The following CLDN3 variants were observed in gnomAD, a reference collection of about 807,000 sequenced individuals.
The protein encoded by CLDN3 is claudin-3.
In CLDN3, 6 loss-of-function variants were observed where a neutral mutation model predicts 16.3. That is an observed-to-expected ratio of 0.37 (90% CI 0.20 to 0.73). The LOEUF (loss-of-function observed/expected upper bound fraction) is 0.73. Among genes scored for constraint, CLDN3 ranks in the 30% least tolerant of loss-of-function variants. The probability of loss-of-function intolerance (pLI) is 0.52; values close to 1 mark genes in which losing one functional copy is unlikely to be tolerated. For synonymous variants in CLDN3, 145 were observed against 150.1 expected, an observed-to-expected ratio of 0.97 and a Z score of 0.25; for missense variants, 248 against 305.2, an observed-to-expected ratio of 0.81 and a Z score of 1.40.
In CLDN3 at chr7:73,769,729, C is replaced by T; in HGVS notation, c.321G>A (p.Val107=). 3 of 1,611,724 alleles carry T rather than the reference C, an allele frequency of 1.9e-6. No individual in the cohort carries two copies. The highest frequency in any genetic ancestry group is 2.5e-6 in the Non-Finnish European group (3 of 1,179,206). ...ALVGAQCTNC[V]QDDTAKAKIT... is the part of the protein sequence containing the mutation. Reference sequence around the variant, plus strand: ...TCTTGGCCTTGGCCGTGTCGTCCTGCACGCAGTTGGTGCACTGGGCGCCCA... The same window carrying T: ...TCTTGGCCTTGGCCGTGTCGTCCTGTACGCAGTTGGTGCACTGGGCGCCCA... Residue 107 remains valine (V), a synonymous_variant, in exon 1 of 1, where the codon GTG becomes GTA. Coordinates refer to ENST00000395145, the MANE Select transcript of CLDN3 (RefSeq NM_001306.4).
In CLDN3 at chr7:73,769,557, CGTACAG is replaced by C. The variant is rs782089885; in HGVS notation, c.487_492del (p.Leu163_Tyr164del). 6.2e-7 allele frequency: 1 copy of C among 1,601,450 alleles called. No individual in the cohort carries two copies. Among genetic ancestry groups the C allele is most frequent in the Non-Finnish European group, 8.5e-7 (1 of 1,174,078 alleles). On this transcript the variant is annotated inframe_deletion, in exon 1 of 1. Transcript: ENST00000395145. ...TGCAGCGCCGCGGCCGCCCAGCCCA[CGTACAG>C]GCCCGCGCCCATCTCGCGCTTCTGC...
chr7:73,770,118 G>A lies in CLDN3; in HGVS notation c.-69C>T, dbSNP rs1787026260. 18 of 1,393,372 alleles carry A rather than the reference G, an allele frequency of 1.3e-5. No individual in the cohort carries two copies. In the South Asian group the frequency reaches 1.5e-4, roughly 11 times the overall value. The allele number at this position is 1,393,372 out of a possible 1,614,324, so 86.3% of individuals were successfully genotyped here. On this transcript the variant is annotated 5_prime_UTR_variant, in exon 1 of 1. Transcript: ENST00000395145. This position sits in a 1 kb window ranked among gnomAD's most constrained non-coding sequence, Gnocchi z 5.7. ...GGGGAGACGAGGGGCCGGGGCCGCTGGGCCTGGCGGGAGCTGCGGCGCCCC... is the reference window on the plus strand; with the variant it reads ...GGGGAGACGAGGGGCCGGGGCCGCTAGGCCTGGCGGGAGCTGCGGCGCCCC...
chr7:73,769,104 T>G lies in CLDN3; in HGVS notation c.*283A>C, dbSNP rs1584302013. ...AGCGGCCCGATGGGGCTCGACGGGG[T>G]GGTCAAGTATTGGCGGTCACCCAGG... On this transcript the variant is annotated 3_prime_UTR_variant, in exon 1 of 1. Transcript: ENST00000395145. 3 of 654,930 alleles carry G rather than the reference T, an allele frequency of 4.6e-6. No homozygotes were observed. The highest frequency in any genetic ancestry group is 3.6e-5 in the South Asian group (1 of 27,662). The allele number at this position is 654,930 out of a possible 1,614,324, so 40.6% of individuals were successfully genotyped here.
In CLDN3 at chr7:73,769,345, TTGGTGGTGGTGG is replaced by T. The variant is rs782032979; in HGVS notation, c.*30_*41del. 5 of 1,546,292 alleles carry T rather than the reference TTGGTGGTGGTGG, an allele frequency of 3.2e-6. No individual in the cohort carries two copies. The highest frequency in any genetic ancestry group is 1.2e-5 in the South Asian group (1 of 83,392). ...CCAGCTCGCGGTGGTGGTGGTGGTG[TTGGTGGTGGTGG>T]TGGTGGTGGGGTCTCCCTGCGTCTG... On this transcript the variant is annotated 3_prime_UTR_variant, in exon 1 of 1. Coordinates refer to ENST00000395145, the MANE Select transcript of CLDN3 (RefSeq NM_001306.4).
At position 73,770,159 on chromosome 7, in the gene CLDN3, G is replaced by A; in HGVS notation, c.-110C>T. 2.9e-6 allele frequency: 4 copies of A among 1,360,196 alleles called. No homozygotes were observed. Among genetic ancestry groups the A allele is most frequent in the Non-Finnish European group, 3.8e-6 (4 of 1,059,966 alleles). The allele number at this position is 1,360,196 out of a possible 1,614,324, so 84.3% of individuals were successfully genotyped here. On this transcript the variant is annotated 5_prime_UTR_variant, in exon 1 of 1. Transcript: ENST00000395145. This position sits in a 1 kb window ranked among gnomAD's most constrained non-coding sequence, Gnocchi z 5.7. The stretch of plus-strand genomic sequence containing the variant: ...GCGGCGCCCCGACGGACGGACGGAC[G>A]GACGGACTGACTCACCGACGGCGCG...
Position 73,769,197 on chromosome 7 carries a change from G to T in CLDN3, c.*190C>A. The T allele has an allele frequency of 7.1e-7, 1 of 1,400,914 alleles. No homozygotes were observed. The highest frequency in any genetic ancestry group is 9.3e-7 in the Non-Finnish European group (1 of 1,074,550). The allele number at this position is 1,400,914 out of a possible 1,614,324, so 86.8% of individuals were successfully genotyped here. ...TGGTCCCTGGGCCCCGAAGTCGACT[G>T]CCCGGCCCGCAAAGCCGTGGCTGCT... On this transcript the variant is annotated 3_prime_UTR_variant, in exon 1 of 1. Transcript: ENST00000395145.
Position 73,769,540 on chromosome 7 carries a change from C to T in CLDN3, c.510G>A (p.Ala170=). Residue 170 remains alanine, a synonymous_variant, in exon 1 of 1, where the codon GCG becomes GCA. Coordinates refer to ENST00000395145, the MANE Select transcript of CLDN3 (RefSeq NM_001306.4). ...GAGLYVGWAA[A]ALQLLGGALL... Reference sequence around the variant, plus strand: ...GCGCGCCCCCCAGCAGCTGCAGCGCCGCGGCCGCCCAGCCCACGTACAGGC... The same window carrying T: ...GCGCGCCCCCCAGCAGCTGCAGCGCTGCGGCCGCCCAGCCCACGTACAGGC... 6.2e-7 allele frequency: 1 copy of T among 1,602,398 alleles called. No homozygotes were observed. The highest frequency in any genetic ancestry group is 1.3e-5 in the African/African-American group (1 of 74,866).
rs1201614819 is a variant in CLDN3, at chr7:73,769,945, G to A, written c.105C>T (p.Ile35=). ...TCTGCGACGTGATGATGTTGCTGCCGATGAAGGCCGACACGCGCCACATGG... is the reference window on the plus strand; with the variant it reads ...TCTGCGACGTGATGATGTTGCTGCCAATGAAGGCCGACACGCGCCACATGG... ...ALPMWRVSAF[I]GSNIITSQNI... The change falls in exon 1 of 1, where the codon ATC becomes ATT. Residue 35 remains isoleucine (I), a synonymous_variant. Transcript: ENST00000395145. 2.5e-6 allele frequency: 4 copies of A among 1,613,444 alleles called. No individual in the cohort carries two copies. Among genetic ancestry groups the A allele is most frequent in the Non-Finnish European group, 3.4e-6 (4 of 1,179,944 alleles).
chr7:73,769,569 C>T lies in CLDN3; in HGVS notation c.481G>A (p.Ala161Thr). The T allele has an allele frequency of 6.2e-7, 1 of 1,603,348 alleles. No homozygotes were observed. Among genetic ancestry groups the T allele is most frequent in the East Asian group, 2.2e-5 (1 of 44,662 alleles). ...VPEAQKREMGAGLYVGWAAAA... is the reference protein window; with the variant it reads ...VPEAQKREMGTGLYVGWAAAA... ...GCCGCCCAGCCCACGTACAGGCCCG[C>T]GCCCATCTCGCGCTTCTGCGCCTCG... Residue 161 changes from alanine to threonine, a missense_variant, in exon 1 of 1, where the codon GCG (alanine) becomes ACG (threonine). By Grantham distance (58) the Ala-to-Thr change is moderately conservative (BLOSUM62 0). Coordinates refer to ENST00000395145, the MANE Select transcript of CLDN3 (RefSeq NM_001306.4).
chr7:73,770,085 C>G lies in CLDN3; in HGVS notation c.-36G>C. 6.9e-7 allele frequency: 1 copy of G among 1,452,036 alleles called. No homozygotes were observed. Among genetic ancestry groups the G allele is most frequent in the Non-Finnish European group, 9.1e-7 (1 of 1,101,780 alleles). 89.9% of individuals were successfully genotyped at this position (1,452,036 alleles called of 1,614,324 possible). ...GCAAGGCCCGCTCCACCGGGTGGCT[C>G]CGGGTGCGGGGAGACGAGGGGCCGG... On this transcript the variant is annotated 5_prime_UTR_variant, in exon 1 of 1. Transcript: ENST00000395145. The surrounding 1 kb of genome is among the most constrained non-coding windows in gnomAD (Gnocchi z 5.7).
At position 73,769,072 on chromosome 7, in the gene CLDN3, T is replaced by G; in HGVS notation, c.*315A>C. 2 of 499,734 alleles carry G rather than the reference T, an allele frequency of 4.0e-6. No individual in the cohort carries two copies. The highest frequency in any genetic ancestry group is 3.8e-5 in the East Asian group (1 of 26,028). 31.0% of individuals were successfully genotyped at this position (499,734 alleles called of 1,614,324 possible). ...TGCCGGTCCCTGCCCAGCGCGAGCA[T>G]GGGGGCAGCGGCCCGATGGGGCTCG... On this transcript the variant is annotated 3_prime_UTR_variant, in exon 1 of 1. Transcript: ENST00000395145.
Position 73,769,555 on chromosome 7 carries a change from C to G in CLDN3, c.495G>C (p.Val165=). The G allele has an allele frequency of 6.2e-7, 1 of 1,602,470 alleles. No homozygotes were observed. Among genetic ancestry groups the G allele is most frequent in the Non-Finnish European group, 8.5e-7 (1 of 1,174,648 alleles). ...QKREMGAGLY[V]GWAAAALQLL... ...GCTGCAGCGCCGCGGCCGCCCAGCC[C>G]ACGTACAGGCCCGCGCCCATCTCGC... Residue 165 remains valine (V), a synonymous_variant, in exon 1 of 1, where the codon GTG becomes GTC. Transcript: ENST00000395145.
Position 73,769,166 on chromosome 7 carries a change from G to T in CLDN3, c.*221C>A. ...AGAAGGGTGAGGTTTCACAGTCCATGCAGGTTGGTCCCTGGGCCCCGAAGT... is the reference window on the plus strand; with the variant it reads ...AGAAGGGTGAGGTTTCACAGTCCATTCAGGTTGGTCCCTGGGCCCCGAAGT... On this transcript the variant is annotated 3_prime_UTR_variant, in exon 1 of 1. Transcript: ENST00000395145. 1 of 1,201,804 alleles carries T rather than the reference G, an allele frequency of 8.3e-7. No individual in the cohort carries two copies. Among genetic ancestry groups the T allele is most frequent in the Non-Finnish European group, 1.1e-6 (1 of 895,800 alleles). The allele number at this position is 1,201,804 out of a possible 1,614,324, so 74.4% of individuals were successfully genotyped here.
Position 73,769,620 on chromosome 7 carries a change from G to A in CLDN3, c.430C>T (p.Arg144Trp), listed in dbSNP as rs1397705319. 1.9e-6 allele frequency: 3 copies of A among 1,612,608 alleles called. No homozygotes were observed. The African/African-American group carries it at 4.0e-5, about 21-fold the overall frequency. Residue 144 changes from arginine (R) to tryptophan (W), a missense_variant, in exon 1 of 1, where the codon CGG (arginine) becomes TGG (tryptophan). Transcript: ENST00000395145. ...GGCACCACGGGGTTGTAGAAGTCCC[G>A]GATAATGGTGTTGGCCGACCAGGAC... ...PVSWSANTII[R>W]DFYNPVVPEA...
At position 73,769,187 on chromosome 7, in the gene CLDN3, G is replaced by A. The variant is rs1584302071; in HGVS notation, c.*200C>T. 1 of 1,374,950 alleles carries A rather than the reference G, an allele frequency of 7.3e-7. No individual in the cohort carries two copies. The highest frequency in any genetic ancestry group is 2.7e-5 in the East Asian group (1 of 37,660). 85.2% of individuals were successfully genotyped at this position (1,374,950 alleles called of 1,614,324 possible). ...CCATGCAGGTTGGTCCCTGGGCCCC[G>A]AAGTCGACTGCCCGGCCCGCAAAGC... On this transcript the variant is annotated 3_prime_UTR_variant, in exon 1 of 1. Coordinates refer to ENST00000395145, the MANE Select transcript of CLDN3 (RefSeq NM_001306.4).
In CLDN3 at chr7:73,769,347, G is replaced by C. The variant is rs1787006631; in HGVS notation, c.*40C>G. 1 of 1,499,604 alleles carries C rather than the reference G, an allele frequency of 6.7e-7. No homozygotes were observed. Among genetic ancestry groups the C allele is most frequent in the Non-Finnish European group, 8.9e-7 (1 of 1,127,136 alleles). The allele number at this position is 1,499,604 out of a possible 1,614,324, so 92.9% of individuals were successfully genotyped here. A position where few individuals can be genotyped will look rare whatever the true frequency, so the allele number is the denominator to read the frequency against. ...AGCTCGCGGTGGTGGTGGTGGTGTT[G>C]GTGGTGGTGGTGGTGGTGGGGTCTC... is the stretch of plus-strand genomic sequence containing the variant. On this transcript the variant is annotated 3_prime_UTR_variant, in exon 1 of 1. Coordinates refer to ENST00000395145, the MANE Select transcript of CLDN3 (RefSeq NM_001306.4).
chr7:73,769,492 T>C lies in CLDN3; in HGVS notation c.558A>G (p.Pro186=), dbSNP rs1787010629. ...TGGTGGCCGTGTACTTCTTCTCGCGTGGGGGACACGAGCAGCAGAGCAGCG... is the reference window on the plus strand; with the variant it reads ...TGGTGGCCGTGTACTTCTTCTCGCGCGGGGGACACGAGCAGCAGAGCAGCG... ...GGALLCCSCP[P]REKKYTATKV... is the part of the protein sequence containing the mutation. Residue 186 remains proline (P), a synonymous_variant, in exon 1 of 1, where the codon CCA becomes CCG. Transcript: ENST00000395145. The C allele has an allele frequency of 6.2e-7, 1 of 1,609,786 alleles. No homozygotes were observed. The highest frequency in any genetic ancestry group is 8.5e-7 in the Non-Finnish European group (1 of 1,179,564).
Position 73,769,927 on chromosome 7 carries a change from C to T in CLDN3, c.123G>A (p.Thr41=). The T allele has an allele frequency of 6.2e-7, 1 of 1,613,352 alleles. No individual in the cohort carries two copies. The highest frequency in any genetic ancestry group is 8.5e-7 in the Non-Finnish European group (1 of 1,179,946). Residue 41 remains threonine, a synonymous_variant, in exon 1 of 1, where the codon ACG becomes ACA. Coordinates refer to ENST00000395145, the MANE Select transcript of CLDN3 (RefSeq NM_001306.4). The part of the protein sequence containing the change: ...VSAFIGSNII[T]SQNIWEGLWM... ...ACAGGCCCTCCCAGATGTTCTGCGA[C>T]GTGATGATGTTGCTGCCGATGAAGG... is the stretch of plus-strand genomic sequence containing the variant.
Position 73,770,136 on chromosome 7 carries a change from G to C in CLDN3, c.-87C>G, listed in dbSNP as rs1787026569. 6 of 1,380,232 alleles carry C rather than the reference G, an allele frequency of 4.3e-6. No homozygotes were observed. Among genetic ancestry groups the C allele is most frequent in the African/African-American group, 1.5e-5 (1 of 65,048 alleles). 85.5% of individuals were successfully genotyped at this position (1,380,232 alleles called of 1,614,324 possible). A position where few individuals can be genotyped will look rare whatever the true frequency, so the allele number is the denominator to read the frequency against. ...GGCCGCTGGGCCTGGCGGGAGCTGC[G>C]GCGCCCCGACGGACGGACGGACGGA... On this transcript the variant is annotated 5_prime_UTR_variant, in exon 1 of 1. Transcript: ENST00000395145. The surrounding 1 kb of genome is among the most constrained non-coding windows in gnomAD (Gnocchi z 5.7).
Sources: allele counts gnomAD v4.1 joint callset, GRCh38; gene constraint gnomAD v4.1.1; non-coding constraint Gnocchi (gnomAD v3.1); transcripts MANE v1.5; gene names NCBI Gene and HGNC (gene_info 2026-07-23, HGNC 2026-07-21).